Variants in MGMT observed in about 807,000 individuals in gnomAD.
MGMT encodes O-6-methylguanine-DNA methyltransferase.
In MGMT, 14 loss-of-function variants were observed where a neutral mutation model predicts 15.9. The observed-to-expected ratio is 0.88, with a 90% confidence interval of 0.58 to 1.37. MGMT has a LOEUF of 1.37. MGMT is among the 40% of genes most tolerant of loss of function. MGMT has a pLI of 0.00. For missense variants in MGMT, 282 were observed against 268.1 expected, an observed-to-expected ratio of 1.05 and a Z score of -0.36; for synonymous variants, 130 against 118.2, an observed-to-expected ratio of 1.10 and a Z score of -0.65.
At chr10:129,748,144 C>G (rs1021311600) in intron 3 of MGMT, among the ~76,000 whole-genome samples, 2 of 152,192 alleles carry the variant, frequency 1.3e-5, no homozygotes, top group African/African-American at 4.8e-5. Flanking sequence ...TGGGGAGTTA[C>G]GCTCCTTGAA....
intron 2 of MGMT, among the ~76,000 whole-genome samples, chr10:129,685,685 T>C (rs1165183835): frequency 6.6e-6 from 1 of 152,240 alleles, no homozygotes; most frequent in South Asian, 2.1e-4. Context: ...TTCAGGTTCC[T>C]GACTCCGCTT....
intron 1 of MGMT, among the ~76,000 whole-genome samples, chr10:129,529,232 G>A (rs1014937177): frequency 5.9e-5 from 9 of 152,042 alleles, no homozygotes; most frequent in African/African-American, 2.2e-4. Flanking sequence ...AGAGAAGGAA[G>A]TGTGGGCCTG....
intron 2 of MGMT, among the ~76,000 whole-genome samples, chr10:129,593,967 G>T (rs1005426626): frequency 6.6e-6 from 1 of 152,214 alleles, no homozygotes; most frequent in Non-Finnish European, 1.5e-5. Context: ...CTCTGCCCTG[G>T]GAAGGGAAGC....
intron 2 of MGMT, among the ~76,000 whole-genome samples, chr10:129,673,984 T>A (rs768318394): frequency 2.1e-4 from 32 of 152,190 alleles, no homozygotes; most frequent in Non-Finnish European, 4.4e-4. Flanking sequence ...TAACTGAATT[T>A]TAATTCCTGA....
intron 3 of MGMT, among the ~76,000 whole-genome samples, chr10:129,745,888 T>A (rs1053628582): frequency 1.3e-5 from 2 of 152,160 alleles, no homozygotes; most frequent in Non-Finnish European, 2.9e-5. Flanking sequence ...TTGTTGGATT[T>A]CTTATTTCCA....
intron 2 of MGMT, among the ~76,000 whole-genome samples, chr10:129,657,788 A>G (rs955501294): frequency 5.3e-5 from 8 of 151,380 alleles, no homozygotes; most frequent in Non-Finnish European, 7.4e-5. Context: ...GAGTCATCAC[A>G]CTGACCCTTA....
At chr10:129,518,337 TACACACACAC>T (rs61316662) in intron 1 of MGMT, among the ~76,000 whole-genome samples, 75 of 119,574 alleles carry the variant, frequency 6.3e-4, no homozygotes, top group Middle Eastern at 5.0e-3. Flanking sequence ...TACACACACA[TACACACACAC>T]ACACACACAC....
Position 129,518,880 on chromosome 10 carries a change from G to A in MGMT, c.-12-17361G>A, listed in dbSNP as rs73382888. ...CAACAGCCCAACCCCTGCACTGTCC[G>A]AGCATCAGCTGTATACATACATATT... On this transcript the variant is annotated intron_variant, in intron 1 of 4. Coordinates refer to ENST00000651593, the MANE Select transcript of MGMT (RefSeq NM_002412.5). Among the ~76,000 whole-genome samples the A allele has an allele frequency of 7.9e-3, 1,199 of 151,852 alleles. 12 individuals are homozygous for A. The highest frequency in any genetic ancestry group is 0.027 in the African/African-American group (1,116 of 41,414).
At chr10:129,521,281 G>GTT (rs1234545505) in intron 1 of MGMT, among the ~76,000 whole-genome samples, 1 of 152,146 alleles carries the variant, frequency 6.6e-6, no homozygotes. Context: ...ATTTCAATCC[G>GTT]TGTGTCCCCC....
chr10:129,525,456 G>A (rs1008612699), intron 1 of MGMT, among the ~76,000 whole-genome samples: 3 of 152,176 alleles, frequency 2.0e-5, no homozygotes, highest in African/African-American at 7.2e-5. Flanking sequence ...CGCGTCAGGT[G>A]TTATTTCGAT....
intron 2 of MGMT, among the ~76,000 whole-genome samples, chr10:129,645,136 T>TG (rs1401975643): frequency 4.1e-5 from 6 of 146,162 alleles, no homozygotes; most frequent in Non-Finnish European, 8.9e-5. Context: ...TTTTTTTTTT[T>TG]TGAGATGGAG....
At chr10:129,535,405 A>AG (rs1284093891) in intron 1 of MGMT, among the ~76,000 whole-genome samples, 1 of 152,214 alleles carries the variant, frequency 6.6e-6, no homozygotes, top group East Asian at 1.9e-4. Context: ...CTAAAAAAAA[A>AG]GAAAGAAATG....
chr10:129,481,825 CCT>C (rs1194644713), intron 1 of MGMT, among the ~76,000 whole-genome samples: 1 of 152,078 alleles, frequency 6.6e-6, no homozygotes, highest in Non-Finnish European at 1.5e-5. Flanking sequence ...CACTTTGTCC[CCT>C]TTTTTGCTAA....
intron 2 of MGMT, among the ~76,000 whole-genome samples, chr10:129,597,671 C>T (rs1846766992): frequency 6.6e-6 from 1 of 152,120 alleles, no homozygotes; most frequent in Non-Finnish European, 1.5e-5. Flanking sequence ...TAGATCTTGT[C>T]CACCAGCTGT....
intron 3 of MGMT, among the ~76,000 whole-genome samples, chr10:129,718,603 G>A (rs1479094311): frequency 6.6e-6 from 1 of 152,258 alleles, no homozygotes; most frequent in Non-Finnish European, 1.5e-5. Context: ...TCTGAGGGAT[G>A]AAGCCAGACA....
intron 2 of MGMT, among the ~76,000 whole-genome samples, chr10:129,539,786 G>A (rs1045126644): frequency 1.3e-5 from 2 of 152,206 alleles, no homozygotes; most frequent in Non-Finnish European, 2.9e-5. Context: ...GATTACAGGC[G>A]TGAGCCACCG....
chr10:129,585,023 A>G (rs1846602855), intron 2 of MGMT, among the ~76,000 whole-genome samples: 1 of 152,164 alleles, frequency 6.6e-6, no homozygotes, highest in Non-Finnish European at 1.5e-5. Flanking sequence ...TCCGATGGCA[A>G]TTGCATGTTT....
rs80207195 is a variant in MGMT, at chr10:129,748,483, T to C, written c.275-10719T>C. Among the ~76,000 whole-genome samples the C allele has an allele frequency of 3.2e-3, 481 of 152,266 alleles. 2 individuals are homozygous for C. The highest frequency in any genetic ancestry group is 0.011 in the African/African-American group (447 of 41,558). ...TGCAAGATTCTCAAGGCTCATCTTG[T>C]GTATTTCCTGTCCCAGTCCTAGGGA... On this transcript the variant is annotated intron_variant, in intron 3 of 4. Transcript: ENST00000651593.
At chr10:129,471,579 C>T (rs145779805) in intron 1 of MGMT, among the ~76,000 whole-genome samples, 3 of 152,056 alleles carry the variant, frequency 2.0e-5, no homozygotes, top group Middle Eastern at 3.4e-3. Flanking sequence ...TGTTGCTCTC[C>T]GTAAAGTGGG....
Sources: gnomAD v4.1 joint callset for allele counts (sites outside exome capture counted in the v4.1 genomes callset) on GRCh38, gnomAD v4.1.1 for gene constraint, MANE v1.5 for transcripts, NCBI Gene and HGNC (gene_info 2026-07-23, HGNC 2026-07-21) for gene names.